MACROD2: variants seen among roughly 807,000 people sequenced by gnomAD.
MACROD2 encodes the protein ADP-ribose glycohydrolase MACROD2.
A neutral mutation model predicts 70.4 loss-of-function variants in MACROD2; 36 were observed. The ratio of observed to expected loss-of-function variants is 0.51; its 90% confidence interval spans 0.39 to 0.68. The LOEUF (loss-of-function observed/expected upper bound fraction) is 0.68. MACROD2 is among the 30% of genes least tolerant of loss of function. The pLI, the probability that MACROD2 is intolerant of heterozygous loss-of-function variation, is 0.00. For missense variants in MACROD2, 496 were observed against 538.4 expected (o/e 0.92, Z 0.78); for synonymous variants, 172 against 178.8 (o/e 0.96, Z 0.30).
At chr20:15,791,861 G>A (rs192267231) in intron 8 of MACROD2, among the ~76,000 whole-genome samples, 3 of 152,132 alleles carry the variant, frequency 2.0e-5, no homozygotes. Flanking sequence ...TCTCAGTTTA[G>A]TAAGCTGCAA....
intron 8 of MACROD2, among the ~76,000 whole-genome samples, chr20:15,528,061 TAGAA>T (rs2047744929): frequency 6.6e-6 from 1 of 152,236 alleles, no homozygotes; most frequent in African/African-American, 2.4e-5. Context: ...TAAATATTTG[TAGAA>T]AGACTAATAT....
At chr20:15,245,531 G>T (rs1359689498) in intron 6 of MACROD2, among the ~76,000 whole-genome samples, 1 of 152,096 alleles carries the variant, frequency 6.6e-6, no homozygotes, top group Non-Finnish European at 1.5e-5. Flanking sequence ...TGCCCCTCAA[G>T]TTTCAAATAC....
chr20:15,457,516 G>A (rs530409326), intron 7 of MACROD2, among the ~76,000 whole-genome samples: 26 of 152,224 alleles, frequency 1.7e-4, no homozygotes, highest in African/African-American at 6.0e-4. Flanking sequence ...CCTGCCCAGA[G>A]AATGAGGAGC....
intron 5 of MACROD2, among the ~76,000 whole-genome samples, chr20:15,178,895 T>C (rs2076480969): frequency 6.6e-6 from 1 of 152,148 alleles, no homozygotes; most frequent in South Asian, 2.1e-4. Context: ...GACCACAGTA[T>C]AGCAGGGGCA....
At chr20:15,895,454 C>T (rs2147229768) in intron 10 of MACROD2, among the ~76,000 whole-genome samples, 1 of 152,310 alleles carries the variant, frequency 6.6e-6, no homozygotes, top group Middle Eastern at 3.4e-3. Flanking sequence ...GATAGCTGGG[C>T]AAGGAGTGAG....
At chr20:15,097,981 A>G (rs1386784362) in intron 5 of MACROD2, among the ~76,000 whole-genome samples, 1 of 152,174 alleles carries the variant, frequency 6.6e-6, no homozygotes, top group African/African-American at 2.4e-5. Flanking sequence ...TACTTATCAC[A>G]AATGTTATTT....
intron 15 of MACROD2, among the ~76,000 whole-genome samples, chr20:16,035,039 AAATAT>A (rs1024615406): frequency 2.1e-5 from 3 of 143,514 alleles, no homozygotes; most frequent in Non-Finnish European, 4.5e-5. Context: ...CTAATATATA[AAATAT>A]AATATAGAAT....
intron 2 of MACROD2, among the ~76,000 whole-genome samples, chr20:14,072,851 G>A (rs368014578): frequency 2.0e-5 from 3 of 150,704 alleles, no homozygotes; most frequent in Non-Finnish European, 3.0e-5. Context: ...GGATAATGGC[G>A]TGCACCCAGG....
chr20:14,742,655 G>T (rs1015206190), intron 5 of MACROD2, among the ~76,000 whole-genome samples: 4 of 151,702 alleles, frequency 2.6e-5, no homozygotes, highest in Non-Finnish European at 4.4e-5. Context: ...CTATGCTAAG[G>T]TTCCTAGCCC....
At chr20:15,330,355 A>G (rs1186935048) in intron 6 of MACROD2, among the ~76,000 whole-genome samples, 1 of 148,296 alleles carries the variant, frequency 6.7e-6, no homozygotes, top group Non-Finnish European at 1.5e-5. Flanking sequence ...TTGAGTATTC[A>G]GAAGTGACAG....
intron 17 of MACROD2, among the ~76,000 whole-genome samples, chr20:16,044,917 A>G (rs763235079): frequency 6.6e-6 from 1 of 151,832 alleles, no homozygotes; most frequent in Non-Finnish European, 1.5e-5. Flanking sequence ...CATCCATCTC[A>G]CCCCCTGGCC....
At chr20:14,678,404 G>A (rs1215299383) in intron 4 of MACROD2, among the ~76,000 whole-genome samples, 1 of 152,090 alleles carries the variant, frequency 6.6e-6, no homozygotes, top group Non-Finnish European at 1.5e-5. Context: ...AGCCACAGTG[G>A]TCTTGAAAAA....
intron 8 of MACROD2, among the ~76,000 whole-genome samples, chr20:15,800,796 G>A (rs2063717611): frequency 1.3e-5 from 2 of 152,012 alleles, no homozygotes; most frequent in Admixed American, 6.6e-5. Context: ...TGCTGTGTCT[G>A]TGTAGAAAGA....
At chr20:15,401,792 G>C (rs560337494) in intron 6 of MACROD2, among the ~76,000 whole-genome samples, 1 of 152,286 alleles carries the variant, frequency 6.6e-6, no homozygotes, top group African/African-American at 2.4e-5. Context: ...GGATCCACCA[G>C]GTAGATTTCA....
At chr20:15,770,689 G>C (rs900838433) in intron 8 of MACROD2, among the ~76,000 whole-genome samples, 1 of 151,938 alleles carries the variant, frequency 6.6e-6, no homozygotes, top group South Asian at 2.1e-4. Context: ...TTTAATTCAC[G>C]TGTGCTGGAG....
intron 8 of MACROD2, among the ~76,000 whole-genome samples, chr20:15,708,356 G>A (rs547379139): frequency 7.2e-4 from 110 of 152,242 alleles, no homozygotes; most frequent in African/African-American, 2.6e-3. Context: ...GGAGCCTGGG[G>A]ATAGGGAGGT....
At chr20:14,529,606 T>C (rs2085277734) in intron 4 of MACROD2, among the ~76,000 whole-genome samples, 1 of 152,196 alleles carries the variant, frequency 6.6e-6, no homozygotes, top group African/African-American at 2.4e-5. Context: ...TCCTGAGCAG[T>C]CAGTGAAAAT....
intron 3 of MACROD2, among the ~76,000 whole-genome samples, chr20:14,468,359 A>G (rs1481015496): frequency 6.7e-6 from 1 of 150,336 alleles, no homozygotes; most frequent in Admixed American, 6.6e-5. Context: ...CTTTACCATT[A>G]TGTAATGCCC....
chr20:15,209,752 C>CCT (rs1236428833), intron 5 of MACROD2, among the ~76,000 whole-genome samples: 2 of 152,122 alleles, frequency 1.3e-5, no homozygotes, highest in African/African-American at 4.8e-5. Flanking sequence ...ACACATAAAA[C>CCT]CTCCAACTTT....
Sources: gnomAD v4.1 joint callset for allele counts (sites outside exome capture counted in the v4.1 genomes callset) on GRCh38, gnomAD v4.1.1 for gene constraint, MANE v1.5 for transcripts, NCBI Gene and HGNC (gene_info 2026-07-23, HGNC 2026-07-21) for gene names.